Variants in SPIN1 observed in about 807,000 individuals in gnomAD.
SPIN1 encodes spindlin 1.
A neutral mutation model predicts 26.0 loss-of-function variants in SPIN1; 3 were observed. That is an observed-to-expected ratio of 0.12 (90% CI 0.05 to 0.30). The LOEUF (loss-of-function observed/expected upper bound fraction) is 0.30. Among genes scored for constraint, SPIN1 ranks in the 10% least tolerant of loss-of-function variants. SPIN1 has a pLI of 1.00. For synonymous variants in SPIN1, 101 were observed against 116.5 expected, an observed-to-expected ratio of 0.87 and a Z score of 0.86; for missense variants, 126 against 333.4, an observed-to-expected ratio of 0.38 and a Z score of 4.84.
intron 1 of SPIN1, among the ~76,000 whole-genome samples, chr9:88,394,475 T>G (rs1038085436): frequency 1.3e-5 from 2 of 152,248 alleles, no homozygotes; most frequent in Non-Finnish European, 2.9e-5. Context: ...TATTGGTATT[T>G]CCAGTTCGAA....
At chr9:88,447,062 G>A (rs1828264477) in intron 2 of SPIN1, among the ~76,000 whole-genome samples, 1 of 152,086 alleles carries the variant, frequency 6.6e-6, no homozygotes, top group South Asian at 2.1e-4. Context: ...TAGGCCAGTT[G>A]ATATTGTCCT....
intron 3 of SPIN1, among the ~76,000 whole-genome samples, chr9:88,460,158 G>A (rs925238440): frequency 2.6e-5 from 4 of 152,104 alleles, no homozygotes; most frequent in Non-Finnish European, 4.4e-5. Context: ...ACTCTCTTCT[G>A]TGAACTTTGA....
chr9:88,477,642 T>G lies in SPIN1; in HGVS notation c.*2365T>G, dbSNP rs1236058711. On this transcript the variant is annotated 3_prime_UTR_variant, in exon 6 of 6. Transcript: ENST00000375859. Reference sequence around the variant, plus strand: ...ATTCTGCTCCCAAGCCCTTGTATCTTGGGCTTCATTTTAGGCTCATGTGTC... The same window carrying G: ...ATTCTGCTCCCAAGCCCTTGTATCTGGGGCTTCATTTTAGGCTCATGTGTC... 6.6e-6 allele frequency: 1 copy of G among 152,628 alleles called. No individual in the cohort carries two copies. The highest frequency in any genetic ancestry group is 1.5e-5 in the Non-Finnish European group (1 of 68,036). 9.5% of individuals were successfully genotyped at this position (152,628 alleles called of 1,614,324 possible).
chr9:88,453,905 C>T (rs549809223), intron 3 of SPIN1, among the ~76,000 whole-genome samples: 1 of 152,184 alleles, frequency 6.6e-6, no homozygotes, highest in Non-Finnish European at 1.5e-5. Flanking sequence ...AAGGTCATTG[C>T]AGTGCTGTGT....
chr9:88,408,981 T>TGTGTGTGTG (rs1827375578), intron 1 of SPIN1, among the ~76,000 whole-genome samples: 7 of 136,596 alleles, frequency 5.1e-5, no homozygotes, highest in African/African-American at 1.1e-4. Flanking sequence ...TTGTGTGTGT[T>TGTGTGTGTG]TGTGTGTGTG....
chr9:88,468,828 C>T (rs1034662695), intron 5 of SPIN1, among the ~76,000 whole-genome samples: 5 of 152,066 alleles, frequency 3.3e-5, no homozygotes, highest in African/African-American at 1.2e-4. Flanking sequence ...TAATAAGATA[C>T]AAGTTGTTTT....
intron 2 of SPIN1, among the ~76,000 whole-genome samples, chr9:88,438,990 C>A (rs572113404): frequency 5.9e-5 from 9 of 152,242 alleles, no homozygotes; most frequent in African/African-American, 1.7e-4. Flanking sequence ...CTTTAAAAAA[C>A]CATCCAGTAG....
At chr9:88,434,416 A>G (rs924156481) in intron 2 of SPIN1, among the ~76,000 whole-genome samples, 2 of 131,700 alleles carry the variant, frequency 1.5e-5, no homozygotes, top group African/African-American at 7.6e-5. Context: ...TTCATTTTAT[A>G]AATTAGTTTA....
At chr9:88,460,511 A>G (rs1828558153) in intron 3 of SPIN1, among the ~76,000 whole-genome samples, 1 of 152,158 alleles carries the variant, frequency 6.6e-6, no homozygotes, top group African/African-American at 2.4e-5. Flanking sequence ...TTATGAGGAA[A>G]TTGGTTTATG....
At chr9:88,453,950 GAA>G (rs907503953) in intron 3 of SPIN1, among the ~76,000 whole-genome samples, 2 of 152,178 alleles carry the variant, frequency 1.3e-5, no homozygotes, top group Admixed American at 6.5e-5. Context: ...CAAACTACAA[GAA>G]AAGTTTTTTT....
In SPIN1 at chr9:88,406,005, C is replaced by CTGTGTGTGTGTG. The variant is rs745317937; in HGVS notation, c.-159+17493_-159+17504dup. Among the ~76,000 whole-genome samples the CTGTGTGTGTGTG allele has an allele frequency of 3.3e-3, 345 of 103,358 alleles. 2 individuals carry two copies. Among genetic ancestry groups the CTGTGTGTGTGTG allele is most frequent in the South Asian group, 5.7e-3 (20 of 3,518 alleles). 67.8% of individuals were successfully genotyped at this position (103,358 alleles called of 152,430 possible). On this transcript the variant is annotated intron_variant, in intron 1 of 5. Transcript: ENST00000375859. ...ATGCCACCGTGCCTGGCTTGTGTGT[C>CTGTGTGTGTGTG]TGTGTGTGTGTGTGTGTGTGTGTGT... is the stretch of plus-strand genomic sequence containing the variant.
intron 1 of SPIN1, among the ~76,000 whole-genome samples, chr9:88,421,195 T>A (rs992467437): frequency 2.0e-5 from 3 of 152,214 alleles, no homozygotes; most frequent in Non-Finnish European, 4.4e-5. Flanking sequence ...TTCTCAGGCA[T>A]AACCACAATG....
chr9:88,391,688 C>T (rs991468114), intron 1 of SPIN1: 2 of 152,074 alleles, frequency 1.3e-5, no homozygotes, highest in Non-Finnish European at 2.9e-5. Flanking sequence ...GAATTTGGTA[C>T]TAGGGTTGAA....
At chr9:88,412,745 G>A (rs910125530) in intron 1 of SPIN1, among the ~76,000 whole-genome samples, 13 of 151,362 alleles carry the variant, frequency 8.6e-5, no homozygotes, top group East Asian at 5.9e-4. Context: ...TGCAGATGGC[G>A]CGGTCTCAGC....
chr9:88,399,946 G>A (rs1334544999), intron 1 of SPIN1, among the ~76,000 whole-genome samples: 1 of 152,156 alleles, frequency 6.6e-6, no homozygotes, highest in African/African-American at 2.4e-5. Flanking sequence ...GGTAGGAATG[G>A]AATCCTGAAA....
At chr9:88,408,296 A>C (rs1480469853) in intron 1 of SPIN1, among the ~76,000 whole-genome samples, 2 of 130,804 alleles carry the variant, frequency 1.5e-5, no homozygotes, top group East Asian at 2.5e-4. Context: ...CCATTTAAGC[A>C]CTTCAGATCT....
chr9:88,431,586 A>G (rs1394944770), intron 2 of SPIN1, among the ~76,000 whole-genome samples: 2 of 152,184 alleles, frequency 1.3e-5, no homozygotes, highest in African/African-American at 4.8e-5. Flanking sequence ...CACTGTGCCC[A>G]GCTTTGAATG....
intron 3 of SPIN1, among the ~76,000 whole-genome samples, chr9:88,460,467 C>T (rs1187420264): frequency 6.6e-6 from 1 of 152,100 alleles, no homozygotes; most frequent in Non-Finnish European, 1.5e-5. Context: ...GAAATAGAAT[C>T]GTTGGGAAAT....
intron 2 of SPIN1, among the ~76,000 whole-genome samples, 167 bp from the exon 3 acceptor site, chr9:88,448,774 C>CT (rs776119178): frequency 3.9e-5 from 6 of 152,164 alleles, no homozygotes; most frequent in African/African-American, 7.2e-5. Context: ...GTGTGTATCT[C>CT]TTTTTTAAAA....
Sources: gnomAD v4.1 joint callset for allele counts (sites outside exome capture counted in the v4.1 genomes callset) on GRCh38, gnomAD v4.1.1 for gene constraint, MANE v1.5 for transcripts, NCBI Gene and HGNC (gene_info 2026-07-23, HGNC 2026-07-21) for gene names.